WASF2: variants seen among roughly 807,000 people sequenced by gnomAD.
WASF2 encodes actin-binding protein WASF2.
WASF2 carries 14 observed loss-of-function variants against 45.0 expected under a neutral mutation model. That is an observed-to-expected ratio of 0.31 (90% confidence interval 0.21 to 0.49). The LOEUF (loss-of-function observed/expected upper bound fraction) is 0.49, where lower values mean the gene tolerates loss of function less well. Among genes scored for constraint, WASF2 ranks in the 20% least tolerant of loss-of-function variants. The pLI is 0.99. For synonymous variants in WASF2, 200 were observed against 236.3 expected (o/e 0.85, Z 1.41); for missense variants, 439 against 636.1 (o/e 0.69, Z 3.33).
intron 1 of WASF2, among the ~76,000 whole-genome samples, chr1:27,464,340 C>G (rs574997225): frequency 2.0e-5 from 3 of 151,878 alleles, no homozygotes; most frequent in Non-Finnish European, 2.9e-5. Flanking sequence ...GAGCCAAGAT[C>G]ACACCATTGC....
rs4970522 is a variant in WASF2, at chr1:27,439,047, C to A, written c.-43-10114G>T. Among the ~76,000 whole-genome samples, 321 of 152,204 alleles carry A rather than the reference C, an allele frequency of 2.1e-3. 1 individual carries two copies. The East Asian group carries it at 0.057, about 27-fold the overall frequency. ...CTAACCTCAGTTTACCAGGAAGTTG[C>A]CAAAGCCCTAAAAATCTAGTAAGCA... On this transcript the variant is annotated intron_variant, in intron 1 of 8. Transcript: ENST00000618852.
At chr1:27,477,921 A>ACTTTTGT in intron 1 of WASF2, among the ~76,000 whole-genome samples, 1 of 139,862 alleles carries the variant, frequency 7.1e-6, no homozygotes, top group Non-Finnish European at 1.6e-5. Flanking sequence ...TAAATAAATA[A>ACTTTTGT]AAAAAAAAAT....
intron 2 of WASF2, among the ~76,000 whole-genome samples, chr1:27,427,375 G>A (rs1173267760): frequency 6.6e-6 from 1 of 152,210 alleles, no homozygotes; most frequent in African/African-American, 2.4e-5. Context: ...GTCCTATGAA[G>A]AAGGAACCAG....
chr1:27,482,554 G>A (rs936475456), intron 1 of WASF2, among the ~76,000 whole-genome samples: 7 of 152,140 alleles, frequency 4.6e-5, no homozygotes, highest in African/African-American at 1.7e-4. Flanking sequence ...GGTAGTAATA[G>A]TCCAGTAGTT....
chr1:27,408,356 A>G lies in WASF2; in HGVS notation c.1340-10T>C, dbSNP rs1571115899. 6.2e-6 allele frequency: 10 copies of G among 1,614,164 alleles called. No homozygotes were observed. Among genetic ancestry groups the G allele is most frequent in the Non-Finnish European group, 8.5e-6 (10 of 1,180,012 alleles). On this transcript the variant is annotated splice_polypyrimidine_tract_variant and intron_variant, in intron 8 of 8. Transcript: ENST00000618852. ...CTGCGCAGCTGAAAACCTAGTGGCAAAGAGACAGAAGGGTGAGGAAGGCGT... is the reference window on the plus strand; with the variant it reads ...CTGCGCAGCTGAAAACCTAGTGGCAGAGAGACAGAAGGGTGAGGAAGGCGT...
intron 2 of WASF2, among the ~76,000 whole-genome samples, chr1:27,419,444 G>A (rs142025567): frequency 3.9e-5 from 6 of 152,262 alleles, no homozygotes; most frequent in African/African-American, 7.2e-5. Context: ...GGGAAACCCC[G>A]TCTCTACTAA....
chr1:27,438,426 C>T (rs2474296), intron 1 of WASF2, among the ~76,000 whole-genome samples: 151,417 of 152,336 alleles, frequency 0.99, 75,263 homozygotes, highest in Middle Eastern at 1. Context: ...TCTCAATTCA[C>T]CTGGCTAGCT....
At chr1:27,445,314 T>C (rs2017296689) in intron 1 of WASF2, among the ~76,000 whole-genome samples, 2 of 152,204 alleles carry the variant, frequency 1.3e-5, no homozygotes, top group Admixed American at 6.5e-5. Context: ...CATAACTTTA[T>C]GAAAGTCACA....
At chr1:27,453,801 G>A (rs1201478549) in intron 1 of WASF2, among the ~76,000 whole-genome samples, 1 of 150,198 alleles carries the variant, frequency 6.7e-6, no homozygotes, top group African/African-American at 2.5e-5. Context: ...AAGGCAGAAG[G>A]ATGCTTGAAC....
intron 1 of WASF2, among the ~76,000 whole-genome samples, chr1:27,434,428 T>C (rs2017104947): frequency 6.6e-6 from 1 of 152,222 alleles, no homozygotes; most frequent in Non-Finnish European, 1.5e-5. Context: ...CAAGCTGCCA[T>C]GATCTCCTCA....
rs796452263 is a variant in WASF2, at chr1:27,432,671, AGAG to A, written c.-43-3741_-43-3739del. 7.8e-4 allele frequency among the ~76,000 whole-genome samples: 117 copies of A among 150,570 alleles called. 2 individuals are homozygous for A. Among genetic ancestry groups the A allele is most frequent in the African/African-American group, 2.8e-3 (113 of 40,940 alleles). Reference sequence around the variant, plus strand: ...TCAAAAAAAAAAAAAAAAAAAAAAAAGAGGCAGTTATTTGTGGTTCCACAGACC... The same window carrying A: ...TCAAAAAAAAAAAAAAAAAAAAAAAAGCAGTTATTTGTGGTTCCACAGACC... On this transcript the variant is annotated intron_variant, in intron 1 of 8. Coordinates refer to ENST00000618852, the MANE Select transcript of WASF2 (RefSeq NM_006990.5).
intron 4 of WASF2, among the ~76,000 whole-genome samples, chr1:27,417,071 A>G (rs1465375092): frequency 6.6e-6 from 1 of 152,208 alleles, no homozygotes; most frequent in Non-Finnish European, 1.5e-5. Context: ...ACCACCACTC[A>G]TTTCTGTTAG....
intron 1 of WASF2, chr1:27,457,136 C>T (rs913986884): frequency 6.6e-6 from 1 of 151,892 alleles, no homozygotes; most frequent in African/African-American, 2.4e-5. Flanking sequence ...CCTCGGCCTC[C>T]GAATGTGCTG....
intron 1 of WASF2, among the ~76,000 whole-genome samples, chr1:27,444,418 A>G (rs995112656): frequency 6.6e-6 from 1 of 152,184 alleles, no homozygotes; most frequent in African/African-American, 2.4e-5. Context: ...AACATATGTA[A>G]GCATTCCAGA....
chr1:27,467,087 G>A (rs558178437), intron 1 of WASF2, among the ~76,000 whole-genome samples: 18 of 150,678 alleles, frequency 1.2e-4, no homozygotes, highest in East Asian at 7.9e-4. Context: ...GGTGGTGCAC[G>A]CCTATAGTCC....
chr1:27,472,960 A>G (rs1225519272), intron 1 of WASF2, among the ~76,000 whole-genome samples: 2 of 145,242 alleles, frequency 1.4e-5, no homozygotes, highest in Non-Finnish European at 3.0e-5. Flanking sequence ...AGACACAGCA[A>G]GACCTTGTCT....
At chr1:27,473,455 C>CAAAAA (rs752426888) in intron 1 of WASF2, among the ~76,000 whole-genome samples, 4 of 49,700 alleles carry the variant, frequency 8.0e-5, no homozygotes, top group East Asian at 5.7e-4. Context: ...ACTCCATGGC[C>CAAAAA]AAAAAAAAAA....
intron 1 of WASF2, among the ~76,000 whole-genome samples, chr1:27,435,205 C>CA (rs1165024660): frequency 6.6e-6 from 1 of 152,176 alleles, no homozygotes; most frequent in Admixed American, 6.5e-5. Context: ...CTTGGCCTCC[C>CA]AAAGTGTTGG....
intron 1 of WASF2, among the ~76,000 whole-genome samples, chr1:27,441,893 T>C (rs1466303270): frequency 7.1e-6 from 1 of 140,276 alleles, no homozygotes; most frequent in Non-Finnish European, 1.5e-5. Context: ...GCCACTGCAC[T>C]CCAGCCTGGC....
Sources: allele counts gnomAD v4.1 joint callset (sites outside exome capture counted in the v4.1 genomes callset), GRCh38; gene constraint gnomAD v4.1.1; transcripts MANE v1.5; gene names NCBI Gene and HGNC (gene_info 2026-07-23, HGNC 2026-07-21).